The following NPEPPS variants were observed in gnomAD, a reference collection of about 807,000 sequenced individuals.
NPEPPS encodes the protein puromycin-sensitive aminopeptidase.
A neutral mutation model predicts 115.5 loss-of-function variants in NPEPPS; 14 were observed. The observed-to-expected ratio is 0.12, with a 90% CI of 0.08 to 0.19. The LOEUF is 0.19. Ranked by LOEUF, NPEPPS falls within the 10% of genes least tolerant of loss-of-function variation. The pLI, the probability that NPEPPS is intolerant of heterozygous loss-of-function variation, is 1.00. For missense variants in NPEPPS, 523 were observed against 1,110.8 expected (o/e 0.47, Z 7.52); for synonymous variants, 285 against 390.6 (o/e 0.73, Z 3.19).
chr17:47,527,884 G>T (rs894533049), upstream of NPEPPS, among the ~76,000 whole-genome samples: 2 of 150,922 alleles, frequency 1.3e-5, no homozygotes. Context: ...GGGGGGCAGA[G>T]GTTGCAGGAG....
intron 17 of NPEPPS, 75 bp from the exon 18 acceptor site, chr17:47,612,385 T>C (rs1913924431): frequency 3.3e-6 from 5 of 1,494,284 alleles, no homozygotes; most frequent in Non-Finnish European, 4.6e-6. Context: ...AGCACAATTA[T>C]AAGATATCCA....
chr17:47,580,520 T>C (rs1257421016), intron 4 of NPEPPS: 2 of 152,240 alleles, frequency 1.3e-5, no homozygotes, highest in Non-Finnish European at 2.9e-5. Flanking sequence ...GATTTGTTGA[T>C]GAAAAAAGGT....
In NPEPPS at chr17:47,535,466, G is replaced by A. The variant is rs943699650; in HGVS notation, c.255+3911G>A. 6.4e-3 allele frequency among the ~76,000 whole-genome samples: 959 copies of A among 150,598 alleles called. 13 individuals carry two copies. Among genetic ancestry groups the A allele is most frequent in the African/African-American group, 0.022 (914 of 40,854 alleles). ...CTCGGGAGGCTGAGGCAGGAGAATG[G>A]TGTGAACCCGGGAGGCGGAGCTTGC... On this transcript the variant is annotated intron_variant, in intron 1 of 22. Coordinates refer to ENST00000322157, the MANE Select transcript of NPEPPS (RefSeq NM_006310.4).
chr17:47,592,890 G>A (rs892190797), intron 12 of NPEPPS, among the ~76,000 whole-genome samples: 2 of 151,990 alleles, frequency 1.3e-5, no homozygotes, highest in African/African-American at 4.8e-5. Context: ...TTCTCCTAAT[G>A]CTATCCCTCC....
At chr17:47,556,910 G>A (rs1243553789) in intron 2 of NPEPPS, among the ~76,000 whole-genome samples, 11 of 152,292 alleles carry the variant, frequency 7.2e-5, no homozygotes, top group Non-Finnish European at 1.3e-4. Context: ...CCAAAGTGCC[G>A]GGATTACAGG....
intron 15 of NPEPPS, chr17:47,602,103 C>A (rs1176083475): frequency 4.6e-6 from 1 of 217,770 alleles, no homozygotes; most frequent in Non-Finnish European, 9.1e-6. Context: ...ATGTGTACTA[C>A]TGTAATCTAA....
chr17:47,528,665 C>G (rs952320031), upstream of NPEPPS, among the ~76,000 whole-genome samples: 8 of 151,726 alleles, frequency 5.3e-5, no homozygotes, highest in Admixed American at 5.3e-4. Flanking sequence ...GAGTTTCACT[C>G]TTTTTGCCCA....
At chr17:47,559,915 C>A (rs1318424972) in intron 2 of NPEPPS, among the ~76,000 whole-genome samples, 1 of 152,134 alleles carries the variant, frequency 6.6e-6, no homozygotes, top group Non-Finnish European at 1.5e-5. Flanking sequence ...ACAAAGCCCC[C>A]AGTGTTGATG....
chr17:47,546,639 A>G (rs1471902655), intron 2 of NPEPPS, among the ~76,000 whole-genome samples: 1 of 152,076 alleles, frequency 6.6e-6, no homozygotes, highest in Admixed American at 6.5e-5. Context: ...CGTGGGTTCA[A>G]GCAGTTCTCC....
In NPEPPS at chr17:47,623,229, ATAAT is replaced by A. The variant is rs1914703822; in HGVS notation, c.*1313_*1316del. On this transcript the variant is annotated 3_prime_UTR_variant, in exon 23 of 23. Transcript: ENST00000322157. The stretch of plus-strand genomic sequence containing the variant: ...ATTTTTGTGCTATTGTTTTAAAAAA[ATAAT>A]TAAAAAACAGTTGGCGTTAATAAAA... The A allele has an allele frequency of 5.7e-6, 1 of 176,702 alleles. No individual in the cohort carries two copies. The highest frequency in any genetic ancestry group is 1.2e-5 in the Non-Finnish European group (1 of 83,354). The allele number at this position is 176,702 out of a possible 1,614,324, so 10.9% of individuals were successfully genotyped here. A position where few individuals can be genotyped will look rare whatever the true frequency, so the allele number is the denominator to read the frequency against.
intron 2 of NPEPPS, among the ~76,000 whole-genome samples, chr17:47,556,809 A>G (rs1910073506): frequency 6.6e-6 from 1 of 152,096 alleles, no homozygotes; most frequent in Non-Finnish European, 1.5e-5. Flanking sequence ...ACGCCCGGCT[A>G]ATTTTTGTAT....
At chr17:47,540,842 C>T (rs1251227894) in intron 1 of NPEPPS, among the ~76,000 whole-genome samples, 1 of 152,084 alleles carries the variant, frequency 6.6e-6, no homozygotes, top group African/African-American at 2.4e-5. Flanking sequence ...ATAAGTGCAT[C>T]TCTAATATAA....
At chr17:47,576,581 A>T (rs1214787450) in intron 3 of NPEPPS, among the ~76,000 whole-genome samples, 1 of 152,216 alleles carries the variant, frequency 6.6e-6, no homozygotes, top group African/African-American at 2.4e-5. Context: ...AGCATTTAGT[A>T]GGCTCATTAA....
At chr17:47,537,162 GA>G (rs61425945) in intron 1 of NPEPPS, among the ~76,000 whole-genome samples, 15 of 143,464 alleles carry the variant, frequency 1.0e-4, no homozygotes, top group Admixed American at 2.1e-4. Flanking sequence ...CTGTCTCCAG[GA>G]AAAAAAAAAG....
rs189083595 is a variant in NPEPPS at position 47,523,634 on chromosome 17, G to T, written c.77+571G>T. 8.2e-3 allele frequency among the ~76,000 whole-genome samples: 1,246 copies of T among 152,104 alleles called. 9 individuals carry two copies. The highest frequency in any genetic ancestry group is 0.029 in the African/African-American group (1,192 of 41,484). On this transcript the variant is annotated intron_variant, in intron 1 of 5. Coordinates refer to the NPEPPS transcript ENST00000525007. ...AATGGGGTTTCACCATGTTCGCCAG[G>T]CTAGTCTTGAACTCCTGACCTCAAG...
At chr17:47,575,143 G>C (rs1911434897) in intron 3 of NPEPPS, among the ~76,000 whole-genome samples, 1 of 152,146 alleles carries the variant, frequency 6.6e-6, no homozygotes, top group Non-Finnish European at 1.5e-5. Flanking sequence ...GCTATGCAAT[G>C]AAATTTTGTT....
chr17:47,535,366 C>A (rs1375747619), intron 1 of NPEPPS, among the ~76,000 whole-genome samples: 3 of 149,424 alleles, frequency 2.0e-5, no homozygotes, highest in Non-Finnish European at 3.0e-5. Context: ...CCTGGCTAAC[C>A]CAGTGAAACC....
At chr17:47,583,199 A>G (rs1197370155) in intron 5 of NPEPPS, among the ~76,000 whole-genome samples, 1 of 151,892 alleles carries the variant, frequency 6.6e-6, no homozygotes, top group South Asian at 2.1e-4. Flanking sequence ...CTCTTTGTCA[A>G]ATTCCTCGTT....
chr17:47,620,100 G>C (rs1334356201), intron 22 of NPEPPS: 3 of 191,954 alleles, frequency 1.6e-5, no homozygotes, highest in Non-Finnish European at 3.2e-5. Context: ...TCTAATCCCA[G>C]CTACTCGGGA....
Sources: allele counts gnomAD v4.1 joint callset (sites outside exome capture counted in the v4.1 genomes callset), GRCh38; gene constraint gnomAD v4.1.1; transcripts MANE v1.5; gene names NCBI Gene and HGNC (gene_info 2026-07-23, HGNC 2026-07-21).